SLC9A7: variants seen among roughly 807,000 people sequenced by gnomAD.
SLC9A7 encodes sodium/hydrogen exchanger 7.
Under a neutral mutation model 52.6 loss-of-function variants are expected in SLC9A7, and 19 were observed. That is an observed-to-expected ratio of 0.36 (90% CI 0.25 to 0.53). The LOEUF is 0.53. SLC9A7 is among the 20% of genes least tolerant of loss of function. The probability of loss-of-function intolerance (pLI) is 0.91; values close to 1 mark genes in which losing one functional copy is unlikely to be tolerated. For missense variants in SLC9A7, 455 were observed against 597.9 expected (o/e 0.76, Z 2.49); for synonymous variants, 226 against 252.1 (o/e 0.90, Z 0.98).
intron 15 of SLC9A7, among the ~76,000 whole-genome samples, chrX:46,614,889 G>A (rs910790011): frequency 8.9e-6 from 1 of 112,119 alleles, no homozygotes; most frequent in African/African-American, 3.2e-5. Context: ...GATGACTGCT[G>A]GGAGCATCAC....
At chrX:46,633,924 G>A (rs1314070088) in intron 13 of SLC9A7, among the ~76,000 whole-genome samples, 2 of 110,886 alleles carry the variant, frequency 1.8e-5, no homozygotes, top group Non-Finnish European at 3.8e-5. Flanking sequence ...TGCCCACCTC[G>A]GCCTCCCAAA....
chrX:46,633,786 C>A (rs1450805978), intron 13 of SLC9A7, among the ~76,000 whole-genome samples: 20 of 109,543 alleles, frequency 1.8e-4, no homozygotes, highest in Non-Finnish European at 3.8e-5. Flanking sequence ...ATTCCCCTGA[C>A]TCAGCCTCCC....
At chrX:46,613,152 T>C (rs1942886494) in intron 16 of SLC9A7, 137 bp downstream of exon 16, 2 of 360,228 alleles carry the variant, frequency 5.6e-6, no homozygotes, top group African/African-American at 2.5e-5. Flanking sequence ...ATATGGAAGA[T>C]GGCCATTTCT....
In SLC9A7 at chrX:46,644,573, G is replaced by T. The variant is rs1052080674; in HGVS notation, c.1463-1184C>A. ...AATCACTTGAATCCTGGAGGCGGAG[G>T]TTGCAGTGAGCCAAGATGGTGCCAC... is the stretch of plus-strand genomic sequence containing the variant. On this transcript the variant is annotated intron_variant, in intron 11 of 16. Transcript: ENST00000616978. Among the ~76,000 whole-genome samples the T allele has an allele frequency of 6.4e-5, 7 of 108,803 alleles. No individual in the cohort carries two copies. In the East Asian group the frequency reaches 2.0e-3, roughly 31 times the overall value. 94.5% of individuals were successfully genotyped at this position (108,803 alleles called of 115,157 possible). A position where few individuals can be genotyped will look rare whatever the true frequency, so the allele number is the denominator to read the frequency against.
Position 46,601,726 on chromosome X carries a change from G to A in SLC9A7, c.*5226C>T, listed in dbSNP as rs1942663044. 1 of 112,468 alleles carries A rather than the reference G, an allele frequency of 8.9e-6. No individual in the cohort carries two copies. Among genetic ancestry groups the A allele is most frequent in the African/African-American group, 3.2e-5 (1 of 30,975 alleles). The allele number at this position is 112,468 out of a possible 1,213,427, so 9.3% of individuals were successfully genotyped here. A position where few individuals can be genotyped will look rare whatever the true frequency, so the allele number is the denominator to read the frequency against. ...GTGATTGTGTCCTAGGAAGAAATGT[G>A]GCCTTATTTAAATTCCAAATTTTCT... On this transcript the variant is annotated 3_prime_UTR_variant, in exon 17 of 17. Coordinates refer to ENST00000616978, the MANE Select transcript of SLC9A7 (RefSeq NM_001257291.2).
At chrX:46,610,443 C>T (rs1034364464) in intron 16 of SLC9A7, among the ~76,000 whole-genome samples, 8 of 112,286 alleles carry the variant, frequency 7.1e-5, no homozygotes, top group South Asian at 3.7e-4. Context: ...TCAAAATCTA[C>T]GAGAACTGCC....
chrX:46,749,637 G>C (rs765488261), intron 1 of SLC9A7, among the ~76,000 whole-genome samples: 5 of 111,872 alleles, frequency 4.5e-5, no homozygotes, highest in Admixed American at 9.5e-5. Flanking sequence ...TGTGACCTTT[G>C]GGCTGAAAGG....
intron 7 of SLC9A7, among the ~76,000 whole-genome samples, chrX:46,656,167 T>A (rs1351913398): frequency 8.9e-6 from 1 of 111,825 alleles, no homozygotes; most frequent in East Asian, 2.8e-4. Context: ...GGGTCCTGTC[T>A]GTTAGAAGGA....
At chrX:46,742,707 A>G (rs1344503821) in intron 1 of SLC9A7, among the ~76,000 whole-genome samples, 2 of 112,014 alleles carry the variant, frequency 1.8e-5, no homozygotes, top group African/African-American at 6.5e-5. Flanking sequence ...ATAAAACTGT[A>G]TATCAAAAGT....
At chrX:46,737,465 T>C (rs1384810015) in intron 1 of SLC9A7, among the ~76,000 whole-genome samples, 1 of 112,016 alleles carries the variant, frequency 8.9e-6, no homozygotes, top group Non-Finnish European at 1.9e-5. Flanking sequence ...TGATTTTGGG[T>C]TAATCATTTG....
chrX:46,602,429 C>G lies in SLC9A7; in HGVS notation c.*4523G>C, dbSNP rs1406698542. The G allele has an allele frequency of 8.9e-6, 1 of 111,960 alleles. No individual in the cohort carries two copies. Among genetic ancestry groups the G allele is most frequent in the Non-Finnish European group, 1.9e-5 (1 of 53,217 alleles). The allele number at this position is 111,960 out of a possible 1,213,427, so 9.2% of individuals were successfully genotyped here. ...AAATAGTCTAGAGGTCTGCTGCGAG[C>G]TCTAGACTAAAGGCTCTTGTCAATC... On this transcript the variant is annotated 3_prime_UTR_variant, in exon 17 of 17. Coordinates refer to ENST00000616978, the MANE Select transcript of SLC9A7 (RefSeq NM_001257291.2).
intron 7 of SLC9A7, among the ~76,000 whole-genome samples, chrX:46,657,431 T>G (rs1203423218): frequency 1.8e-5 from 2 of 110,273 alleles, no homozygotes; most frequent in Non-Finnish European, 3.8e-5. Context: ...GACTGGCAAA[T>G]TGGATAAAGA....
At chrX:46,656,175 G>A (rs1943685407) in intron 7 of SLC9A7, among the ~76,000 whole-genome samples, 1 of 111,816 alleles carries the variant, frequency 8.9e-6, no homozygotes. Flanking sequence ...TCTGTTAGAA[G>A]GAAAACTAAC....
At chrX:46,709,207 C>A (rs747043449) in intron 1 of SLC9A7, among the ~76,000 whole-genome samples, 1 of 110,170 alleles carries the variant, frequency 9.1e-6, no homozygotes, top group Non-Finnish European at 1.9e-5. Context: ...AGTTCGAGAC[C>A]GGCGTGGGCA....
intron 1 of SLC9A7, among the ~76,000 whole-genome samples, chrX:46,700,934 C>T (rs1056340649): frequency 8.9e-6 from 1 of 111,732 alleles, no homozygotes; most frequent in African/African-American, 3.3e-5. Flanking sequence ...TCCCACACCA[C>T]CATCAAAATG....
At chrX:46,707,043 A>G (rs1367684892) in intron 1 of SLC9A7, among the ~76,000 whole-genome samples, 2 of 111,509 alleles carry the variant, frequency 1.8e-5, no homozygotes, top group Non-Finnish European at 3.8e-5. Flanking sequence ...ACCCAGCCTC[A>G]GGTAAACTTT....
chrX:46,711,875 C>T (rs946836780), intron 1 of SLC9A7, among the ~76,000 whole-genome samples: 2 of 95,520 alleles, frequency 2.1e-5, no homozygotes, highest in African/African-American at 7.6e-5. Flanking sequence ...GAAGGCACTC[C>T]CTTTAACGGC....
intron 1 of SLC9A7, among the ~76,000 whole-genome samples, chrX:46,749,955 C>T (rs374720962): frequency 9.1e-6 from 1 of 110,182 alleles, no homozygotes; most frequent in African/African-American, 3.3e-5. Flanking sequence ...GTGGAGCATG[C>T]CTGTAATCCC....
chrX:46,615,613 G>A (rs1023649855), intron 15 of SLC9A7, among the ~76,000 whole-genome samples: 2 of 108,160 alleles, frequency 1.8e-5, no homozygotes, highest in South Asian at 4.0e-4. Context: ...AAGGCCCCAT[G>A]ACAACTTCTT....
Sources: allele counts gnomAD v4.1 joint callset (sites outside exome capture counted in the v4.1 genomes callset), GRCh38; gene constraint gnomAD v4.1.1; transcripts MANE v1.5; gene names NCBI Gene and HGNC (gene_info 2026-07-23, HGNC 2026-07-21).